Variants in FRMD5 observed in about 807,000 individuals in gnomAD.
FRMD5 encodes the protein FERM domain containing 5, also known as FERM domain-containing protein 5.
Under a neutral mutation model 69.0 loss-of-function variants are expected in FRMD5, and 20 were observed. The ratio of observed to expected loss-of-function variants is 0.29; its 90% CI spans 0.20 to 0.42. FRMD5 has a LOEUF of 0.42. FRMD5 is among the 10% of genes least tolerant of loss of function. The probability of loss-of-function intolerance (pLI) is 1.00; values close to 1 mark genes in which losing one functional copy is unlikely to be tolerated. For synonymous variants in FRMD5, 271 were observed against 260.1 expected, an observed-to-expected ratio of 1.04 and a Z score of -0.40; for missense variants, 595 against 708.6, an observed-to-expected ratio of 0.84 and a Z score of 1.82.
At chr15:44,192,961 A>G (rs1191491175) in intron 1 of FRMD5, among the ~76,000 whole-genome samples, 2 of 152,266 alleles carry the variant, frequency 1.3e-5, no homozygotes, top group Non-Finnish European at 2.9e-5. Context: ...TGAGAGCAGT[A>G]GGAAAATAAG....
At chr15:44,077,162 T>TAA (rs1461797181) in intron 1 of FRMD5, among the ~76,000 whole-genome samples, 1 of 152,142 alleles carries the variant, frequency 6.6e-6, no homozygotes. Context: ...TGTCAATGGG[T>TAA]AACTGAATAC....
chr15:43,944,040 A>G (rs1322212501), intron 1 of FRMD5, among the ~76,000 whole-genome samples: 2 of 152,240 alleles, frequency 1.3e-5, no homozygotes, highest in Non-Finnish European at 2.9e-5. Flanking sequence ...TTATCTTTTC[A>G]GTACCATATC....
At chr15:44,163,918 C>A (rs970581314) in intron 1 of FRMD5, among the ~76,000 whole-genome samples, 1 of 152,164 alleles carries the variant, frequency 6.6e-6, no homozygotes, top group African/African-American at 2.4e-5. Flanking sequence ...TCTGTATAGG[C>A]CAAATTAAAT....
chr15:43,886,989 A>C (rs943621387), intron 10 of FRMD5, among the ~76,000 whole-genome samples: 1 of 152,202 alleles, frequency 6.6e-6, no homozygotes, highest in Admixed American at 6.5e-5. Flanking sequence ...ACTCGTGGGA[A>C]GACTCAGAAA....
At chr15:44,058,646 C>T (rs1331809045) in intron 1 of FRMD5, among the ~76,000 whole-genome samples, 7 of 151,890 alleles carry the variant, frequency 4.6e-5, no homozygotes, top group Non-Finnish European at 7.4e-5. Context: ...ATTAGCCAGG[C>T]GTGGTGGCGG....
intron 1 of FRMD5, among the ~76,000 whole-genome samples, chr15:44,193,014 C>T (rs1287818842): frequency 6.6e-6 from 1 of 152,154 alleles, no homozygotes; most frequent in Non-Finnish European, 1.5e-5. Flanking sequence ...CCAATAAGTC[C>T]TATTTAACTC....
At chr15:43,999,965 T>TATATGCTATGC (rs1555392748) in intron 1 of FRMD5, among the ~76,000 whole-genome samples, 2 of 75,422 alleles carry the variant, frequency 2.7e-5, no homozygotes, top group African/African-American at 5.7e-5. Context: ...TATATATATA[T>TATATGCTATGC]ATATATATAT....
chr15:43,885,141 T>C, intron 11 of FRMD5: 1 of 236,572 alleles, frequency 4.2e-6, no homozygotes, highest in Non-Finnish European at 8.3e-6. Context: ...AGTTCTTATT[T>C]TGCTATTGTA....
chr15:43,990,822 A>T (rs1049961384), intron 1 of FRMD5, among the ~76,000 whole-genome samples: 2 of 152,240 alleles, frequency 1.3e-5, no homozygotes, highest in African/African-American at 4.8e-5. Flanking sequence ...CTGAAAAGAC[A>T]GTTGAAGTGG....
At chr15:44,095,758 T>A (rs1183384710) in intron 1 of FRMD5, among the ~76,000 whole-genome samples, 1 of 152,182 alleles carries the variant, frequency 6.6e-6, no homozygotes, top group Non-Finnish European at 1.5e-5. Context: ...CCCACTAAGA[T>A]AAAGGAACTG....
chr15:43,933,880 TATC>T (rs2089716374), intron 1 of FRMD5, among the ~76,000 whole-genome samples: 1 of 152,192 alleles, frequency 6.6e-6, no homozygotes, highest in South Asian at 2.1e-4. Flanking sequence ...AGCCAGCAGT[TATC>T]ATCAAACTCA....
intron 1 of FRMD5, among the ~76,000 whole-genome samples, chr15:44,098,731 C>T (rs1245666844): frequency 6.6e-6 from 1 of 152,126 alleles, no homozygotes; most frequent in Non-Finnish European, 1.5e-5. Flanking sequence ...AAAGAAGACT[C>T]TACGTTTTAC....
At chr15:43,936,631 AT>A (rs909392295) in intron 1 of FRMD5, among the ~76,000 whole-genome samples, 1 of 151,996 alleles carries the variant, frequency 6.6e-6, no homozygotes, top group Non-Finnish European at 1.5e-5. Context: ...GGGTAAGGGT[AT>A]TCCTGGAGAT....
At chr15:44,036,707 T>C (rs534124736) in intron 1 of FRMD5, among the ~76,000 whole-genome samples, 1 of 152,372 alleles carries the variant, frequency 6.6e-6, no homozygotes, top group South Asian at 2.1e-4. Context: ...ATTTTTCTAA[T>C]ACAAAATAGT....
At chr15:43,904,188 GA>G (rs2089116387) in intron 6 of FRMD5, among the ~76,000 whole-genome samples, 1 of 152,180 alleles carries the variant, frequency 6.6e-6, no homozygotes, top group African/African-American at 2.4e-5. Context: ...ATCATTGAGT[GA>G]AGGGTTTCTG....
At chr15:44,011,202 C>CCCTCCCTTTCTTCCTCTCTG (rs1259437040) in intron 1 of FRMD5, among the ~76,000 whole-genome samples, 2 of 151,976 alleles carry the variant, frequency 1.3e-5, no homozygotes, top group Non-Finnish European at 2.9e-5. Flanking sequence ...CTTCCTCTCT[C>CCCTCCCTTTCTTCCTCTCTG]CCTCCCTTTC....
In FRMD5 at chr15:43,873,377, C is replaced by T. The variant is rs2088217616; in HGVS notation, c.*508G>A. ...CAAAAAACTAAACAGTCCCCATTGT[C>T]CAGATCCCTGGCCTGCCCTGCTGAG... On this transcript the variant is annotated 3_prime_UTR_variant, in exon 14 of 14. Transcript: ENST00000417257. 6.9e-7 allele frequency: 1 copy of T among 1,452,958 alleles called. No homozygotes were observed. The highest frequency in any genetic ancestry group is 2.5e-5 in the East Asian group (1 of 40,108). 90.0% of individuals were successfully genotyped at this position (1,452,958 alleles called of 1,614,324 possible). A position where few individuals can be genotyped will look rare whatever the true frequency, so the allele number is the denominator to read the frequency against.
At chr15:44,013,559 T>G (rs1275916435) in intron 1 of FRMD5, among the ~76,000 whole-genome samples, 1 of 152,188 alleles carries the variant, frequency 6.6e-6, no homozygotes, top group African/African-American at 2.4e-5. Flanking sequence ...ACGAATAAAG[T>G]GTAGGCCTAT....
chr15:43,933,990 G>T (rs1410808576), intron 1 of FRMD5, among the ~76,000 whole-genome samples: 1 of 152,184 alleles, frequency 6.6e-6, no homozygotes, highest in Non-Finnish European at 1.5e-5. Context: ...GGGCTCTCTT[G>T]TCTAGGAGGC....
Sources: allele counts gnomAD v4.1 joint callset (sites outside exome capture counted in the v4.1 genomes callset), GRCh38; gene constraint gnomAD v4.1.1; transcripts MANE v1.5; gene names NCBI Gene and HGNC (gene_info 2026-07-23, HGNC 2026-07-21).